ARHGEF3: variants seen among roughly 807,000 people sequenced by gnomAD.
ARHGEF3 encodes the protein 59.8 kDA protein.
In ARHGEF3, 28 loss-of-function variants were observed where a neutral mutation model predicts 63.2. That is an observed-to-expected ratio of 0.44 (90% CI 0.33 to 0.61). The LOEUF is 0.61. Among genes scored for constraint, ARHGEF3 ranks in the 20% least tolerant of loss-of-function variants. The probability of loss-of-function intolerance (pLI) is 0.03; values close to 1 mark genes in which losing one functional copy is unlikely to be tolerated. For synonymous variants in ARHGEF3, 266 were observed against 254.2 expected (o/e 1.05, Z -0.44); for missense variants, 533 against 659.3 (o/e 0.81, Z 2.10).
At chr3:56,802,109 G>A (rs2037690376), upstream of ARHGEF3, 1 of 876,774 alleles carries the variant, frequency 1.1e-6, no homozygotes, top group Non-Finnish European at 1.5e-6. Context: ...CGGTCCCGCG[G>A]GTGGAGAGGG....
At chr3:57,014,120 C>T (rs1189286684) in intron 2 of ARHGEF3, among the ~76,000 whole-genome samples, 1 of 152,080 alleles carries the variant, frequency 6.6e-6, no homozygotes, top group East Asian at 1.9e-4. Context: ...AGACGTGACC[C>T]CTTAAGAGCT....
At chr3:57,052,553 T>C (rs1439001818) in intron 1 of ARHGEF3, among the ~76,000 whole-genome samples, 1 of 151,738 alleles carries the variant, frequency 6.6e-6, no homozygotes, top group Non-Finnish European at 1.5e-5. Flanking sequence ...CACTTCAGCC[T>C]CCCAAAGTGC....
chr3:56,977,765 G>A (rs1355641423), intron 2 of ARHGEF3, among the ~76,000 whole-genome samples: 1 of 152,052 alleles, frequency 6.6e-6, no homozygotes, highest in Non-Finnish European at 1.5e-5. Context: ...AAATGGGTTC[G>A]GCCTCTAGGA....
intron 4 of ARHGEF3, among the ~76,000 whole-genome samples, chr3:56,848,411 G>A (rs1023052172): frequency 1.3e-5 from 2 of 152,216 alleles, no homozygotes; most frequent in African/African-American, 4.8e-5. Flanking sequence ...TCAGACCCTC[G>A]GTCTCCCCAA....
In ARHGEF3 at chr3:56,923,025, AATAT is replaced by A. The variant is rs72294634; in HGVS notation, c.129+35794_129+35797del. ...AAATGGCAAAACCCCATCTCTACTAAATATATATATATATATATATATATATATA... is the reference window on the plus strand; with the variant it reads ...AAATGGCAAAACCCCATCTCTACTAAATATATATATATATATATATATATA... On this transcript the variant is annotated intron_variant, in intron 3 of 12. Coordinates refer to the ARHGEF3 transcript ENST00000338458. 6.8e-3 allele frequency among the ~76,000 whole-genome samples: 616 copies of A among 90,394 alleles called. 1 individual carries two copies. Among genetic ancestry groups the A allele is most frequent in the Middle Eastern group, 0.018 (4 of 222 alleles). The allele number at this position is 90,394 out of a possible 152,430, so 59.3% of individuals were successfully genotyped here.
chr3:57,006,878 G>T (rs1237217035), intron 2 of ARHGEF3, among the ~76,000 whole-genome samples: 1 of 152,088 alleles, frequency 6.6e-6, no homozygotes, highest in African/African-American at 2.4e-5. Context: ...AACCCTCCCT[G>T]GCTGAGTTTT....
At chr3:56,805,697 G>C (rs1273882590), upstream of ARHGEF3, among the ~76,000 whole-genome samples, 1 of 152,162 alleles carries the variant, frequency 6.6e-6, no homozygotes, top group Non-Finnish European at 1.5e-5. Context: ...TAAATACACA[G>C]GGCTACACAA....
upstream of ARHGEF3, chr3:56,802,086 G>A (rs2037689075): frequency 2.0e-5 from 22 of 1,100,958 alleles, no homozygotes; most frequent in South Asian, 2.1e-4. Context: ...CTGGGGCTGC[G>A]AGGGGCGTGG....
chr3:57,078,075 G>T (rs114980089), intron 1 of ARHGEF3, among the ~76,000 whole-genome samples: 1 of 152,182 alleles, frequency 6.6e-6, no homozygotes. Context: ...GATTTACCCT[G>T]CCCCAGTCAG....
At chr3:57,005,038 C>A (rs1702416156) in intron 2 of ARHGEF3, among the ~76,000 whole-genome samples, 3 of 151,572 alleles carry the variant, frequency 2.0e-5, no homozygotes, top group Admixed American at 6.6e-5. Flanking sequence ...GGAAAGTCTT[C>A]CTCTTTATAG....
intron 1 of ARHGEF3, among the ~76,000 whole-genome samples, chr3:57,042,665 TATATATATATATATATATATATA>T (rs1560155843): frequency 0.05 from 335 of 6,676 alleles, 10 homozygotes; most frequent in African/African-American, 0.15. Flanking sequence ...TATATATATA[TATATATATATATATATATATATA>T]TATATATATA....
At chr3:56,740,098 C>G (rs1344984228) in intron 7 of ARHGEF3, among the ~76,000 whole-genome samples, 2 of 151,996 alleles carry the variant, frequency 1.3e-5, no homozygotes, top group African/African-American at 4.8e-5. Flanking sequence ...CAGGCTTTCT[C>G]CATGTTGGCC....
At chr3:56,959,291 G>A (rs567301763) in intron 2 of ARHGEF3, among the ~76,000 whole-genome samples, 1 of 152,234 alleles carries the variant, frequency 6.6e-6, no homozygotes, top group South Asian at 2.1e-4. Flanking sequence ...AGACATGCTG[G>A]GGAGTTCCAA....
In ARHGEF3 at chr3:57,017,030, TCTCACACA is replaced by T. The variant is rs745498834; in HGVS notation, c.62+18050_62+18057del. ...GTCTCTCTCTCTCTCTCTCTCTCTC[TCTCACACA>T]CACACACACACACACACACACACAC... On this transcript the variant is annotated intron_variant, in intron 2 of 12. Coordinates refer to the ARHGEF3 transcript ENST00000338458. Among the ~76,000 whole-genome samples the T allele has an allele frequency of 9.1e-3, 617 of 67,770 alleles. 9 individuals are homozygous for T. Among genetic ancestry groups the T allele is most frequent in the Admixed American group, 0.057 (422 of 7,416 alleles). 44.5% of individuals were successfully genotyped at this position (67,770 alleles called of 152,430 possible). A position where few individuals can be genotyped will look rare whatever the true frequency, so the allele number is the denominator to read the frequency against.
intron 1 of ARHGEF3, among the ~76,000 whole-genome samples, chr3:57,053,205 G>A (rs752332931): frequency 1.3e-5 from 2 of 152,262 alleles, no homozygotes; most frequent in South Asian, 2.1e-4. Flanking sequence ...CCTCTCAAGC[G>A]CCTGCTCTCT....
rs3772219 is a variant in ARHGEF3 at position 56,737,223 on chromosome 3, A to G, written c.1003T>C (p.Leu335=). The G allele has an allele frequency of 3.1e-6, 5 of 1,613,738 alleles. No individual in the cohort carries two copies. The highest frequency in any genetic ancestry group is 4.2e-6 in the Non-Finnish European group (5 of 1,179,890). The change falls in exon 8 of 10, where the codon TTG becomes CTG. Residue 335 remains leucine (L), a synonymous_variant. Coordinates refer to ENST00000296315, the MANE Select transcript of ARHGEF3 (RefSeq NM_019555.3). ...TTCTTCAGTTCACCATGACAACACA[A>G]GACTCGAGAGCTGTCGATCAGGGAG... The part of the protein sequence containing the change: ...KDSLIDSSRV[L]CCHGELKNNR...
intron 2 of ARHGEF3, among the ~76,000 whole-genome samples, chr3:56,771,952 G>A (rs2036028148): frequency 6.6e-6 from 1 of 152,228 alleles, no homozygotes; most frequent in Admixed American, 6.5e-5. Context: ...CTAGGGCAGT[G>A]ATGAATCTTC....
chr3:57,048,044 G>C lies in ARHGEF3; in HGVS notation c.-27-12868C>G, dbSNP rs147591801. Among the ~76,000 whole-genome samples the C allele has an allele frequency of 3.1e-3, 478 of 152,244 alleles. 5 individuals are homozygous for C. The highest frequency in any genetic ancestry group is 0.011 in the African/African-American group (453 of 41,558). On this transcript the variant is annotated intron_variant, in intron 1 of 12. Coordinates refer to the ARHGEF3 transcript ENST00000338458. The stretch of plus-strand genomic sequence containing the variant: ...CTGACTGATAGTAACCCTTGGATGA[G>C]CCTTCACGCACTTCAGCCCCTTCCT...
At chr3:56,779,515 C>T (rs889496432) in intron 1 of ARHGEF3, among the ~76,000 whole-genome samples, 10 of 151,392 alleles carry the variant, frequency 6.6e-5, no homozygotes, top group African/African-American at 1.9e-4. Context: ...TTTTTTGAGA[C>T]GGAGTCTCGC....
Sources: allele counts gnomAD v4.1 joint callset (sites outside exome capture counted in the v4.1 genomes callset), GRCh38; gene constraint gnomAD v4.1.1; transcripts MANE v1.5; gene names NCBI Gene and HGNC (gene_info 2026-07-23, HGNC 2026-07-21).